IRF2BP2: variants seen among roughly 807,000 people sequenced by gnomAD.
IRF2BP2 encodes interferon regulatory factor 2-binding protein 2.
A neutral mutation model predicts 32.7 loss-of-function variants in IRF2BP2; 13 were observed. The observed-to-expected ratio is 0.40, with a 90% CI of 0.26 to 0.63. The LOEUF is 0.63. IRF2BP2 is among the 30% of genes least tolerant of loss of function. IRF2BP2 has a pLI of 0.42. For missense variants in IRF2BP2, 980 were observed against 830.6 expected (o/e 1.18, Z -2.21); for synonymous variants, 555 against 384.6 (o/e 1.44, Z -5.18).
rs1672110975 is a variant in IRF2BP2, at chr1:234,604,449, A to T, written c.*2688T>A. The stretch of plus-strand genomic sequence containing the variant: ...CATGAGTTTCATCATATATAGAAAA[A>T]GTATCACCTTCAACTTAAAAAAAGT... On this transcript the variant is annotated 3_prime_UTR_variant, in exon 2 of 2. Coordinates refer to ENST00000366609, the MANE Select transcript of IRF2BP2 (RefSeq NM_182972.3). 1 of 152,230 alleles carries T rather than the reference A, an allele frequency of 6.6e-6. No homozygotes were observed. Among genetic ancestry groups the T allele is most frequent in the Non-Finnish European group, 1.5e-5 (1 of 68,036 alleles). 9.4% of individuals were successfully genotyped at this position (152,230 alleles called of 1,614,324 possible).
chr1:234,605,336 G>A lies in IRF2BP2; in HGVS notation c.*1801C>T, dbSNP rs1389802347. ...TATACTCCAACTTGAAAAAGTAAGTGTAACAACTGGTTAATCATGCAAGTC... is the reference window on the plus strand; with the variant it reads ...TATACTCCAACTTGAAAAAGTAAGTATAACAACTGGTTAATCATGCAAGTC... On this transcript the variant is annotated 3_prime_UTR_variant, in exon 2 of 2. Transcript: ENST00000366609. 1.3e-5 allele frequency: 2 copies of A among 152,224 alleles called. No homozygotes were observed. Among genetic ancestry groups the A allele is most frequent in the Non-Finnish European group, 2.9e-5 (2 of 68,036 alleles). 9.4% of individuals were successfully genotyped at this position (152,224 alleles called of 1,614,324 possible).
rs1438708722 is a variant in IRF2BP2 at position 234,609,285 on chromosome 1, G to C, written c.210C>G (p.Arg70=). Residue 70 remains arginine, a synonymous_variant, in exon 1 of 2, where the codon CGC becomes CGG. Transcript: ENST00000366609. ...KRAHGCFPEG[R]SPPGAAASAA... ...CCGAGGCCGCGGCGCCGGGTGGGGAGCGACCCTCCGGGAAGCAGCCGTGCG... is the reference window on the plus strand; with the variant it reads ...CCGAGGCCGCGGCGCCGGGTGGGGACCGACCCTCCGGGAAGCAGCCGTGCG... The C allele has an allele frequency of 2.7e-6, 4 of 1,456,694 alleles. No individual in the cohort carries two copies. The highest frequency in any genetic ancestry group is 3.6e-6 in the Non-Finnish European group (4 of 1,101,082). 90.2% of individuals were successfully genotyped at this position (1,456,694 alleles called of 1,614,324 possible).
At position 234,607,053 on chromosome 1, in the gene IRF2BP2, GAT is replaced by G. The variant is rs142351268; in HGVS notation, c.*82_*83del. The G allele has an allele frequency of 3.4e-3, 3,044 of 887,102 alleles. No homozygotes were observed. Among genetic ancestry groups the G allele is most frequent in the South Asian group, 4.5e-3 (246 of 54,856 alleles). The allele number at this position is 887,102 out of a possible 1,614,324, so 55.0% of individuals were successfully genotyped here. A position where few individuals can be genotyped will look rare whatever the true frequency, so the allele number is the denominator to read the frequency against. ...TGAAGTCTACATTTCCCTTGTCTTG[GAT>G]ATATATATATATGGAGATATATATA... On this transcript the variant is annotated 3_prime_UTR_variant, in exon 2 of 2. Coordinates refer to ENST00000366609, the MANE Select transcript of IRF2BP2 (RefSeq NM_182972.3).
Position 234,609,758 on chromosome 1 carries a change from G to C in IRF2BP2, c.-264C>G, listed in dbSNP as rs1672295277. 6.9e-6 allele frequency among the ~76,000 whole-genome samples: 1 copy of C among 144,180 alleles called. No homozygotes were observed. The highest frequency in any genetic ancestry group is 1.5e-5 in the Non-Finnish European group (1 of 64,970). 94.6% of individuals were successfully genotyped at this position (144,180 alleles called of 152,430 possible). A position where few individuals can be genotyped will look rare whatever the true frequency, so the allele number is the denominator to read the frequency against. ...GGCAGCAGTTCCCCCCGGCCGGCCC[G>C]GGCACGGGCGGGCGGCGCGGCGCGG... On this transcript the variant is annotated 5_prime_UTR_variant, in exon 1 of 2. Transcript: ENST00000366609.
chr1:234,609,604 TCCCCCACCAGCGGCGGCGG>T lies in IRF2BP2; in HGVS notation c.-129_-111del. On this transcript the variant is annotated 5_prime_UTR_variant, in exon 1 of 2. Transcript: ENST00000366609. ...CCTCCTCCCCCCCCAACCCCGCGTC[TCCCCCACCAGCGGCGGCGG>T]CGGCCGCAAAGGCGGCGGCGGCGGC... 1 of 517,988 alleles carries T rather than the reference TCCCCCACCAGCGGCGGCGG, an allele frequency of 1.9e-6. No homozygotes were observed. 32.1% of individuals were successfully genotyped at this position (517,988 alleles called of 1,614,324 possible). A position where few individuals can be genotyped will look rare whatever the true frequency, so the allele number is the denominator to read the frequency against.
chr1:234,608,203 G>T (rs992343279), intron 1 of IRF2BP2: 7 of 522,818 alleles, frequency 1.3e-5, no homozygotes, highest in Non-Finnish European at 1.7e-5. Flanking sequence ...TCCCATCCAA[G>T]AATGTGCTGG....
rs1672219651 is a variant in IRF2BP2 at position 234,608,181 on chromosome 1, G to A, written c.1048+266C>T. 4 of 523,270 alleles carry A rather than the reference G, an allele frequency of 7.6e-6. No homozygotes were observed. The South Asian group carries it at 8.9e-5, about 12-fold the overall frequency. 32.4% of individuals were successfully genotyped at this position (523,270 alleles called of 1,614,324 possible). A position where few individuals can be genotyped will look rare whatever the true frequency, so the allele number is the denominator to read the frequency against. ...CCCCCAATAGGTTAAAAGGTGACTGGTGCCCTCATGCTCCCATCCAAGAAT... is the reference window on the plus strand; with the variant it reads ...CCCCCAATAGGTTAAAAGGTGACTGATGCCCTCATGCTCCCATCCAAGAAT... On this transcript the variant is annotated intron_variant, in intron 1 of 1. Transcript: ENST00000366609.
chr1:234,608,994 C>G lies in IRF2BP2; in HGVS notation c.501G>C (p.Glu167Asp), dbSNP rs1461818468. The G allele has an allele frequency of 2.2e-6, 3 of 1,346,018 alleles. No homozygotes were observed. The highest frequency in any genetic ancestry group is 2.8e-6 in the Non-Finnish European group (3 of 1,054,014). The allele number at this position is 1,346,018 out of a possible 1,614,324, so 83.4% of individuals were successfully genotyped here. ...LVPNGFSKLE[E>D]PPELNRQSPN... ...GGCTCTGGCGATTCAGCTCGGGCGGCTCCTCTAGCTTGGAGAAGCCGTTGG... is the reference window on the plus strand; with the variant it reads ...GGCTCTGGCGATTCAGCTCGGGCGGGTCCTCTAGCTTGGAGAAGCCGTTGG... The change falls in exon 1 of 2, where the codon GAG (glutamate) becomes GAC (aspartate). Residue 167 changes from glutamate to aspartate, a missense_variant. Transcript: ENST00000366609.
chr1:234,607,850 C>T lies in IRF2BP2; in HGVS notation c.1051G>A (p.Ala351Thr), dbSNP rs922551880. Residue 351 changes from alanine to threonine, a missense_variant and splice_region_variant, in exon 2 of 2, where the codon GCA (alanine) becomes ACA (threonine). Coordinates refer to ENST00000366609, the MANE Select transcript of IRF2BP2 (RefSeq NM_182972.3). ...GGCTTCCTTTTCCTTGCTGTTCTTG[C>T]AACTGGAAACACAAAGAAATAAAAG... ...ANGANGSKAVARTARKRKPSP... is the reference protein window; with the variant it reads ...ANGANGSKAVTRTARKRKPSP... 3 of 1,555,196 alleles carry T rather than the reference C, an allele frequency of 1.9e-6. No homozygotes were observed. The highest frequency in any genetic ancestry group is 2.6e-6 in the Non-Finnish European group (3 of 1,150,922).
In IRF2BP2 at chr1:234,607,132, A is replaced by T. The variant is rs377533201; in HGVS notation, c.*5T>A. 6.2e-6 allele frequency: 10 copies of T among 1,601,154 alleles called. No individual in the cohort carries two copies. In the African/African-American group the frequency reaches 1.1e-4, roughly 17 times the overall value. ...AATCATTGGGTTTTTCTGAAACCGGAAAAGTCACGAGTCTCTCTCTTTTTT... is the reference window on the plus strand; with the variant it reads ...AATCATTGGGTTTTTCTGAAACCGGTAAAGTCACGAGTCTCTCTCTTTTTT... On this transcript the variant is annotated 3_prime_UTR_variant, in exon 2 of 2. Transcript: ENST00000366609.
rs1409076334 is a variant in IRF2BP2, at chr1:234,608,660, C to G, written c.835G>C (p.Ala279Pro). The G allele has an allele frequency of 6.5e-7, 1 of 1,532,134 alleles. No homozygotes were observed. Among genetic ancestry groups the G allele is most frequent in the African/African-American group, 1.4e-5 (1 of 69,824 alleles). The allele number at this position is 1,532,134 out of a possible 1,614,324, so 94.9% of individuals were successfully genotyped here. Reference sequence around the variant, plus strand: ...GCACCTTCCGCGCTCAGCTCGGCGGCCCCGGCCGCGGTGGACAGGCTGTCG... The same window carrying G: ...GCACCTTCCGCGCTCAGCTCGGCGGGCCCGGCCGCGGTGGACAGGCTGTCG... ...PADSLSTAAG[A>P]AELSAEGAGK... Residue 279 changes from alanine (A) to proline (P), a missense_variant, in exon 1 of 2, where the codon GCC becomes CCC. Physicochemically the swap from Ala to Pro is conservative, Grantham distance 27. Coordinates refer to ENST00000366609, the MANE Select transcript of IRF2BP2 (RefSeq NM_182972.3).
At position 234,609,216 on chromosome 1, in the gene IRF2BP2, C is replaced by CTGT. The variant is rs1294901387; in HGVS notation, c.278_279insACA (p.Gln98dup). The CTGT allele has an allele frequency of 2.2e-6, 3 of 1,333,352 alleles. No homozygotes were observed. Among genetic ancestry groups the CTGT allele is most frequent in the African/African-American group, 3.1e-5 (2 of 64,616 alleles). 82.6% of individuals were successfully genotyped at this position (1,333,352 alleles called of 1,614,324 possible). ...CGTGGCCAAGCTGCTGCTGCTGCTG[C>CTGT]AAAAGGATGTCCTTGGCGGAGAGCG... On this transcript the variant is annotated inframe_insertion, in exon 1 of 2. Transcript: ENST00000366609.
rs1364094394 is a variant in IRF2BP2 at position 234,610,040 on chromosome 1, G to T, written c.-546C>A. Among the ~76,000 whole-genome samples the T allele has an allele frequency of 1.4e-5, 2 of 146,638 alleles. No homozygotes were observed. The highest frequency in any genetic ancestry group is 4.9e-5 in the African/African-American group (2 of 40,810). ...CGGCGTGGAGCTCGGGCGCGGCGCG[G>T]GCCCCGGGTCGCTCCGCCGCTCTCT... On this transcript the variant is annotated 5_prime_UTR_variant, in exon 1 of 2. Coordinates refer to ENST00000366609, the MANE Select transcript of IRF2BP2 (RefSeq NM_182972.3).
At chr1:234,608,027 G>A (rs919369425) in intron 1 of IRF2BP2, 175 bp from the exon 2 acceptor site, 12 of 590,296 alleles carry the variant, frequency 2.0e-5, no homozygotes, top group Non-Finnish European at 2.7e-5. Context: ...AAAACCTTCA[G>A]GCGTACGGGA....
Position 234,605,886 on chromosome 1 carries a change from A to T in IRF2BP2, c.*1251T>A, listed in dbSNP as rs770558176. ...TTTTGAGAGGTGGGGCCTGTCTATT[A>T]TATAAAACCCTTAATTTCTTTAATT... On this transcript the variant is annotated 3_prime_UTR_variant, in exon 2 of 2. Transcript: ENST00000366609. 2.0e-5 allele frequency: 3 copies of T among 152,250 alleles called. No homozygotes were observed. The highest frequency in any genetic ancestry group is 2.9e-5 in the Non-Finnish European group (2 of 68,040). The allele number at this position is 152,250 out of a possible 1,614,324, so 9.4% of individuals were successfully genotyped here. A position where few individuals can be genotyped will look rare whatever the true frequency, so the allele number is the denominator to read the frequency against.
chr1:234,608,969 G>A lies in IRF2BP2; in HGVS notation c.526C>T (p.Pro176Ser). The A allele has an allele frequency of 1.5e-6, 2 of 1,359,868 alleles. No homozygotes were observed. The highest frequency in any genetic ancestry group is 1.9e-6 in the Non-Finnish European group (2 of 1,060,664). The allele number at this position is 1,359,868 out of a possible 1,614,324, so 84.2% of individuals were successfully genotyped here. A position where few individuals can be genotyped will look rare whatever the true frequency, so the allele number is the denominator to read the frequency against. ...ACCGCGTGGCCGCGCCGCGGGTTCG[G>A]GCTCTGGCGATTCAGCTCGGGCGGC... ...EEPPELNRQS[P>S]NPRRGHAVPP... The change falls in exon 1 of 2, where the codon CCG becomes TCG. Residue 176 changes from proline to serine, a missense_variant. Coordinates refer to ENST00000366609, the MANE Select transcript of IRF2BP2 (RefSeq NM_182972.3).
In IRF2BP2 at chr1:234,605,945, T is replaced by C. The variant is rs958004351; in HGVS notation, c.*1192A>G. On this transcript the variant is annotated 3_prime_UTR_variant, in exon 2 of 2. Coordinates refer to ENST00000366609, the MANE Select transcript of IRF2BP2 (RefSeq NM_182972.3). ...TTTATCATTTTTTTCCAGAACAGTA[T>C]TATTCACTTGGTATTTCAAACACAT... is the stretch of plus-strand genomic sequence containing the variant. 1.3e-5 allele frequency: 2 copies of C among 152,228 alleles called. No individual in the cohort carries two copies. Among genetic ancestry groups the C allele is most frequent in the Non-Finnish European group, 2.9e-5 (2 of 68,036 alleles). The allele number at this position is 152,228 out of a possible 1,614,324, so 9.4% of individuals were successfully genotyped here. A position where few individuals can be genotyped will look rare whatever the true frequency, so the allele number is the denominator to read the frequency against.
rs902165069 is a variant in IRF2BP2 at position 234,606,083 on chromosome 1, T to C, written c.*1054A>G. 1 of 152,240 alleles carries C rather than the reference T, an allele frequency of 6.6e-6. No individual in the cohort carries two copies. Among genetic ancestry groups the C allele is most frequent in the African/African-American group, 2.4e-5 (1 of 41,448 alleles). The allele number at this position is 152,240 out of a possible 1,614,324, so 9.4% of individuals were successfully genotyped here. A position where few individuals can be genotyped will look rare whatever the true frequency, so the allele number is the denominator to read the frequency against. On this transcript the variant is annotated 3_prime_UTR_variant, in exon 2 of 2. Transcript: ENST00000366609. ...GTTACTGTCATTGTACCATACTGTA[T>C]TCAGCACTCACTAGAAACAGGGTAT...
In IRF2BP2 at chr1:234,609,083, G is replaced by A. The variant is rs768612000; in HGVS notation, c.412C>T (p.Pro138Ser). 1.6e-6 allele frequency: 2 copies of A among 1,245,360 alleles called. No individual in the cohort carries two copies. Among genetic ancestry groups the A allele is most frequent in the East Asian group, 6.4e-5 (2 of 31,232 alleles). 77.1% of individuals were successfully genotyped at this position (1,245,360 alleles called of 1,614,324 possible). A position where few individuals can be genotyped will look rare whatever the true frequency, so the allele number is the denominator to read the frequency against. The stretch of plus-strand genomic sequence containing the variant: ...GGCGGCTGGGCCAGGCTCGCTGCCG[G>A]GCGGCTGCTGCCGAAGTCAGAGCCG... ...RLGSDFGSSR[P>S]AASLAQPPTP... Residue 138 changes from proline (P) to serine (S), a missense_variant, in exon 1 of 2, where the codon CCG becomes TCG. Pro to Ser is a moderately conservative substitution (Grantham distance 74, BLOSUM62 -1). Coordinates refer to ENST00000366609, the MANE Select transcript of IRF2BP2 (RefSeq NM_182972.3).
Sources: gnomAD v4.1 joint callset for allele counts (sites outside exome capture counted in the v4.1 genomes callset) on GRCh38, gnomAD v4.1.1 for gene constraint, MANE v1.5 for transcripts, NCBI Gene and HGNC (gene_info 2026-07-23, HGNC 2026-07-21) for gene names.